The following METAP1D variants were observed in gnomAD, a reference collection of about 807,000 sequenced individuals.
METAP1D encodes methionine aminopeptidase 1D, mitochondrial.
A neutral mutation model predicts 40.5 loss-of-function variants in METAP1D; 31 were observed. That is an observed-to-expected ratio of 0.77 (90% confidence interval 0.58 to 1.03). METAP1D has a LOEUF of 1.03. Ranked by LOEUF, METAP1D falls within the 50% of genes least tolerant of loss-of-function variation. METAP1D has a pLI of 0.00. For missense variants in METAP1D, 411 were observed against 420.7 expected, an observed-to-expected ratio of 0.98 and a Z score of 0.20; for synonymous variants, 151 against 146.4, an observed-to-expected ratio of 1.03 and a Z score of -0.22.
intron 1 of METAP1D, among the ~76,000 whole-genome samples, chr2:172,040,940 G>A (rs935232855): frequency 1.3e-5 from 2 of 151,390 alleles, no homozygotes; most frequent in African/African-American, 4.9e-5. Context: ...AGAGACGCCC[G>A]GCTAACTTGT....
At chr2:172,058,429 A>G (rs1398437049) in intron 1 of METAP1D, among the ~76,000 whole-genome samples, 1 of 152,222 alleles carries the variant, frequency 6.6e-6, no homozygotes, top group African/African-American at 2.4e-5. Flanking sequence ...TGCTTTTCCT[A>G]GGACACTACC....
intron 7 of METAP1D, 32 bp from the exon 8 acceptor site, chr2:172,079,183 T>C (rs566509140): frequency 6.2e-7 from 1 of 1,611,260 alleles, no homozygotes; most frequent in Non-Finnish European, 8.5e-7. Flanking sequence ...CCCCATTTCC[T>C]ATTCTCACCC....
At chr2:172,058,547 CTT>C (rs77988030) in intron 1 of METAP1D, among the ~76,000 whole-genome samples, 74,010 of 150,298 alleles carry the variant, frequency 0.49, 19,262 homozygotes, top group Middle Eastern at 0.61. Context: ...TATCAAGCAA[CTT>C]TTTTTTTTTT....
At chr2:172,028,957 C>T (rs1350895590) in intron 1 of METAP1D, among the ~76,000 whole-genome samples, 2 of 152,006 alleles carry the variant, frequency 1.3e-5, no homozygotes, top group African/African-American at 2.4e-5. Context: ...CATTTTTAGT[C>T]TTCTAAAATA....
intron 1 of METAP1D, among the ~76,000 whole-genome samples, chr2:172,040,788 C>T (rs1689501937): frequency 7.7e-6 from 1 of 130,380 alleles, no homozygotes; most frequent in African/African-American, 3.0e-5. Flanking sequence ...GCTCTCTCTC[C>T]CAGGTTAGAG....
chr2:172,018,754 C>T (rs146328354), intron 1 of METAP1D, among the ~76,000 whole-genome samples: 2 of 152,142 alleles, frequency 1.3e-5, no homozygotes, highest in African/African-American at 2.4e-5. Flanking sequence ...CTCACCCCAC[C>T]GCCACCTGCT....
At chr2:172,026,050 G>T (rs2105404614) in intron 1 of METAP1D, among the ~76,000 whole-genome samples, 1 of 152,220 alleles carries the variant, frequency 6.6e-6, no homozygotes, top group Non-Finnish European at 1.5e-5. Flanking sequence ...AGATTTCCTT[G>T]ATTATCTTTT....
rs78473708 is a variant in METAP1D at position 172,079,751 on chromosome 2, A to T, written c.851-377A>T. On this transcript the variant is annotated intron_variant, in intron 8 of 9. Transcript: ENST00000315796. Reference sequence around the variant, plus strand: ...AAAATTGTTATTTGCTGATGAATGAACATCTCGAGCATGTTTTTAAAATTT... The same window carrying T: ...AAAATTGTTATTTGCTGATGAATGATCATCTCGAGCATGTTTTTAAAATTT... Among the ~76,000 whole-genome samples, 980 of 152,338 alleles carry T rather than the reference A, an allele frequency of 6.4e-3. 10 individuals carry two copies. The highest frequency in any genetic ancestry group is 0.022 in the African/African-American group (911 of 41,584).
chr2:172,029,062 A>G (rs1024672879), intron 1 of METAP1D, among the ~76,000 whole-genome samples: 2 of 152,244 alleles, frequency 1.3e-5, no homozygotes, highest in African/African-American at 2.4e-5. Flanking sequence ...CTGAGACTCT[A>G]GAGAGAATGT....
At chr2:172,011,981 T>C (rs556235405) in intron 1 of METAP1D, among the ~76,000 whole-genome samples, 2 of 152,372 alleles carry the variant, frequency 1.3e-5, no homozygotes, top group African/African-American at 4.8e-5. Context: ...TATTAAGTAC[T>C]GAAATATTCC....
intron 6 of METAP1D, among the ~76,000 whole-genome samples, chr2:172,071,907 T>A (rs1245703980): frequency 6.6e-6 from 1 of 152,216 alleles, no homozygotes; most frequent in African/African-American, 2.4e-5. Context: ...TGCCTTTTTT[T>A]CTTCGTAAGC....
intron 1 of METAP1D, among the ~76,000 whole-genome samples, chr2:172,055,872 G>A (rs1021118832): frequency 2.6e-5 from 4 of 152,190 alleles, no homozygotes; most frequent in African/African-American, 9.7e-5. Context: ...TTACCATCCA[G>A]TCATGTGTGG....
rs573646824 is a variant in METAP1D at position 172,045,731 on chromosome 2, G to A, written c.41-15767G>A. Among the ~76,000 whole-genome samples, 544 of 54,864 alleles carry A rather than the reference G, an allele frequency of 9.9e-3. 16 individuals are homozygous for A. Among genetic ancestry groups the A allele is most frequent in the African/African-American group, 0.023 (398 of 17,656 alleles). 36.0% of individuals were successfully genotyped at this position (54,864 alleles called of 152,430 possible). A position where few individuals can be genotyped will look rare whatever the true frequency, so the allele number is the denominator to read the frequency against. ...TGTGTGTGTGTGTGTGTGTGTGTGT[G>A]TATATATATGTGTATATATGTATAT... On this transcript the variant is annotated intron_variant, in intron 1 of 9. Coordinates refer to ENST00000315796, the MANE Select transcript of METAP1D (RefSeq NM_199227.3).
At chr2:172,019,980 T>A (rs2105394660) in intron 1 of METAP1D, among the ~76,000 whole-genome samples, 1 of 152,272 alleles carries the variant, frequency 6.6e-6, no homozygotes, top group East Asian at 1.9e-4. Flanking sequence ...ATTCTAGGGC[T>A]CCAATCTCAG....
In METAP1D at chr2:172,034,097, AAG is replaced by A. The variant is rs1689313299; in HGVS notation, c.41-27400_41-27399del. ...ATCTCAAAAAAAAAAAAAAAAACAA[AAG>A]TCCTCATCTTTTGGATGTACACATG... On this transcript the variant is annotated intron_variant, in intron 1 of 9. Transcript: ENST00000315796. Among the ~76,000 whole-genome samples the A allele has an allele frequency of 2.1e-3, 317 of 148,082 alleles. 2 individuals carry two copies. Among genetic ancestry groups the A allele is most frequent in the African/African-American group, 7.8e-3 (302 of 38,682 alleles).
At chr2:172,030,216 A>G (rs1163398812) in intron 1 of METAP1D, among the ~76,000 whole-genome samples, 3 of 151,104 alleles carry the variant, frequency 2.0e-5, no homozygotes, top group Non-Finnish European at 2.9e-5. Context: ...CAGACTCCTG[A>G]GTAGCTGGGA....
At chr2:172,022,930 T>G (rs1689038344) in intron 1 of METAP1D, among the ~76,000 whole-genome samples, 1 of 152,210 alleles carries the variant, frequency 6.6e-6, no homozygotes, top group Admixed American at 6.5e-5. Flanking sequence ...TTAACATCTG[T>G]AATCCCAGCA....
chr2:172,010,319 T>A (rs1406546143), intron 1 of METAP1D, among the ~76,000 whole-genome samples: 1 of 151,370 alleles, frequency 6.6e-6, no homozygotes, highest in Non-Finnish European at 1.5e-5. Context: ...TTTTTGCATT[T>A]TTTGTAGAGA....
intron 1 of METAP1D, among the ~76,000 whole-genome samples, chr2:172,026,258 A>G (rs1455513702): frequency 6.6e-6 from 1 of 152,130 alleles, no homozygotes; most frequent in East Asian, 1.9e-4. Flanking sequence ...TTGGGTCCCC[A>G]TGATGTCATT....
Sources: allele counts gnomAD v4.1 joint callset (sites outside exome capture counted in the v4.1 genomes callset), GRCh38; gene constraint gnomAD v4.1.1; transcripts MANE v1.5; gene names NCBI Gene and HGNC (gene_info 2026-07-23, HGNC 2026-07-21).